DNAH1: variants seen among roughly 807,000 people sequenced by gnomAD.
The protein encoded by DNAH1 is axonemal beta dynein heavy chain 1.
Under a neutral mutation model 484.3 loss-of-function variants are expected in DNAH1, and 327 were observed. The ratio of observed to expected loss-of-function variants is 0.68; its 90% confidence interval spans 0.62 to 0.74. The LOEUF (loss-of-function observed/expected upper bound fraction) is 0.74, where lower values mean the gene tolerates loss of function less well. DNAH1 is among the 30% of genes least tolerant of loss of function. The pLI is 0.00. For missense variants in DNAH1, 5,052 were observed against 5,546.8 expected (o/e 0.91, Z 2.83); for synonymous variants, 2,192 against 2,191.9 (o/e 1.00, Z 0.00).
chr3:52,372,975 A>G lies in DNAH1; in HGVS notation c.6907A>G (p.Thr2303Ala), dbSNP rs1703412756. 6.2e-7 allele frequency: 1 copy of G among 1,613,548 alleles called. No homozygotes were observed. Among genetic ancestry groups the G allele is most frequent in the African/African-American group, 1.3e-5 (1 of 74,864 alleles). Reference sequence around the variant, plus strand: ...TGACCTGAACATGCCGGCCCTGGAGACCTACGGTGCACAGCCACCCATCGA... The same window carrying G: ...TGACCTGAACATGCCGGCCCTGGAGGCCTACGGTGCACAGCCACCCATCGA... ...IDDLNMPALETYGAQPPIELL... is the reference protein window; with the variant it reads ...IDDLNMPALEAYGAQPPIELL... Residue 2303 changes from threonine (T) to alanine (A), a missense_variant, in exon 44 of 78, where the codon ACC becomes GCC. This residue lies in a region of DNAH1 where 2,929 missense variants were observed against 3,409.4 expected (regional missense o/e 0.86). Coordinates refer to ENST00000420323, the MANE Select transcript of DNAH1 (RefSeq NM_015512.5).
rs766093116 is a variant in DNAH1 at position 52,372,086 on chromosome 3, C to G, written c.6666C>G (p.Pro2222=). ...ACATGCTGCTCACCAACAAGAAGCC[C>G]GTGAGCACCCCCCCAGGCCCTGCCT... ...LLDMLLTNKK[P]VLCIGPTGTG... The change falls in exon 42 of 78, where the codon CCC becomes CCG. Residue 2222 remains proline, a splice_region_variant and synonymous_variant. Coordinates refer to ENST00000420323, the MANE Select transcript of DNAH1 (RefSeq NM_015512.5). 8.1e-6 allele frequency: 13 copies of G among 1,613,250 alleles called. No homozygotes were observed. Among genetic ancestry groups the G allele is most frequent in the African/African-American group, 1.3e-5 (1 of 74,916 alleles).
chr3:52,334,887 C>T (rs1257150855), intron 8 of DNAH1, among the ~76,000 whole-genome samples: 56 of 150,178 alleles, frequency 3.7e-4, no homozygotes, highest in African/African-American at 1.2e-3. Context: ...CTCGCTCTGT[C>T]GCCCACGCTG....
chr3:52,395,296 CT>C lies in DNAH1; in HGVS notation c.10969-11del, dbSNP rs1434060977. ...CCCCAGGTGGTCTCAGCATCTCCCC[CT>C]GCCCTTGCAGACAGCCAATCTGTCA... On this transcript the variant is annotated splice_polypyrimidine_tract_variant and intron_variant, in intron 68 of 77. Transcript: ENST00000420323. This position sits in a 1 kb window ranked among gnomAD's most constrained non-coding sequence, Gnocchi z 4.4. 6.2e-7 allele frequency: 1 copy of C among 1,612,312 alleles called. No homozygotes were observed. The highest frequency in any genetic ancestry group is 1.7e-5 in the Admixed American group (1 of 59,840).
Position 52,326,834 on chromosome 3 carries a change from C to T in DNAH1, c.681C>T (p.His227=). Reference sequence around the variant, plus strand: ...TGCCCAGGCACCTGGACCACCAGCACCCCCAAACCATCGAACAGGGCCATG... The same window carrying T: ...TGCCCAGGCACCTGGACCACCAGCATCCCCAAACCATCGAACAGGGCCATG... ...KLMPRHLDHQ[H]PQTIEQGHDP... The change falls in exon 5 of 78, where the codon CAC becomes CAT. Residue 227 remains histidine, a synonymous_variant. Coordinates refer to ENST00000420323, the MANE Select transcript of DNAH1 (RefSeq NM_015512.5). The T allele has an allele frequency of 6.2e-7, 1 of 1,613,666 alleles. No individual in the cohort carries two copies. The highest frequency in any genetic ancestry group is 8.5e-7 in the Non-Finnish European group (1 of 1,179,736).
Position 52,354,963 on chromosome 3 carries a change from A to G in DNAH1, c.3601A>G (p.Ile1201Val), listed in dbSNP as rs1357312651. 2 of 1,614,020 alleles carry G rather than the reference A, an allele frequency of 1.2e-6. No homozygotes were observed. The highest frequency in any genetic ancestry group is 8.5e-7 in the Non-Finnish European group (1 of 1,179,886). ...GGCCTCACAGCTGCTGGACGACCACATCGTCATGACCCAGAATATGTCATT... is the reference window on the plus strand; with the variant it reads ...GGCCTCACAGCTGCTGGACGACCACGTCGTCATGACCCAGAATATGTCATT... ...DEASQLLDDH[I>V]VMTQNMSFSP... Residue 1201 changes from isoleucine (I) to valine (V), a missense_variant, in exon 21 of 78, where the codon ATC (isoleucine) becomes GTC (valine). Ile to Val is a conservative substitution (Grantham distance 29, BLOSUM62 3). Coordinates refer to ENST00000420323, the MANE Select transcript of DNAH1 (RefSeq NM_015512.5).
chr3:52,363,289 G>T, intron 32 of DNAH1, 145 bp downstream of exon 32: 1 of 1,103,378 alleles, frequency 9.1e-7, no homozygotes, highest in Non-Finnish European at 1.3e-6. Flanking sequence ...CTTGGAGATA[G>T]GAGTTACATG....
chr3:52,326,847 G>A lies in DNAH1; in HGVS notation c.694G>A (p.Glu232Lys), dbSNP rs1701363470. 1.2e-6 allele frequency: 2 copies of A among 1,613,336 alleles called. No homozygotes were observed. The highest frequency in any genetic ancestry group is 1.7e-4 in the Middle Eastern group (1 of 6,056). Residue 232 changes from glutamate (E) to lysine (K), a missense_variant, in exon 5 of 78, where the codon GAA becomes AAA. Coordinates refer to ENST00000420323, the MANE Select transcript of DNAH1 (RefSeq NM_015512.5). ...GGACCACCAGCACCCCCAAACCATC[G>A]AACAGGGCCATGACCCAATCTTCCC... ...HLDHQHPQTI[E>K]QGHDPIFPIY...
In DNAH1 at chr3:52,345,506, G is replaced by A; in HGVS notation, c.1456G>A (p.Val486Ile). Residue 486 changes from valine to isoleucine, a missense_variant, in exon 10 of 78, where the codon GTC (valine) becomes ATC (isoleucine). Val to Ile is a conservative substitution (Grantham distance 29, BLOSUM62 3). Around this residue, in one of 4 missense-constraint regions of DNAH1, gnomAD observed 1,263 missense variants for 1,218.8 expected, o/e 1.04. Transcript: ENST00000420323. ...CCCTATCCCTGCAGGGCTGGTGAGTGTCCCCAAGTACCACTTCTGGGAGCA... is the reference window on the plus strand; with the variant it reads ...CCCTATCCCTGCAGGGCTGGTGAGTATCCCCAAGTACCACTTCTGGGAGCA... ...EQVPERGLVS[V>I]PKYHFWEQKE... The A allele has an allele frequency of 6.4e-7, 1 of 1,565,268 alleles. No individual in the cohort carries two copies. Among genetic ancestry groups the A allele is most frequent in the South Asian group, 1.2e-5 (1 of 85,252 alleles).
chr3:52,372,979 A>G lies in DNAH1; in HGVS notation c.6911A>G (p.Tyr2304Cys). The G allele has an allele frequency of 1.2e-6, 2 of 1,613,778 alleles. No individual in the cohort carries two copies. Among genetic ancestry groups the G allele is most frequent in the Non-Finnish European group, 1.7e-6 (2 of 1,179,852 alleles). ...DDLNMPALET[Y>C]GAQPPIELLR... ...CTGAACATGCCGGCCCTGGAGACCT[A>G]CGGTGCACAGCCACCCATCGAGCTG... The change falls in exon 44 of 78, where the codon TAC becomes TGC. Residue 2304 changes from tyrosine (Y) to cysteine (C), a missense_variant. Coordinates refer to ENST00000420323, the MANE Select transcript of DNAH1 (RefSeq NM_015512.5).
At chr3:52,378,074 A>G (rs1472629867) in intron 46 of DNAH1, among the ~76,000 whole-genome samples, 1 of 151,974 alleles carries the variant, frequency 6.6e-6, no homozygotes, top group African/African-American at 2.4e-5. Flanking sequence ...CCCAGCACAG[A>G]ATTGGATAGT....
rs896579808 is a variant in DNAH1, at chr3:52,374,415, G to A, written c.6986-825G>A. 5.0e-5 allele frequency: 65 copies of A among 1,312,456 alleles called. No homozygotes were observed. In the East Asian group the frequency reaches 1.5e-3, roughly 30 times the overall value. The allele number at this position is 1,312,456 out of a possible 1,614,324, so 81.3% of individuals were successfully genotyped here. ...GGACAGCACCCCCACAGAACCAGTG[G>A]TGATGACACTTCTCAAATGCTGGCC... On this transcript the variant is annotated intron_variant, in intron 44 of 77. Transcript: ENST00000420323.
At chr3:52,346,145 G>T (rs1465608902) in intron 10 of DNAH1, among the ~76,000 whole-genome samples, 1 of 152,082 alleles carries the variant, frequency 6.6e-6, no homozygotes, top group Non-Finnish European at 1.5e-5. Flanking sequence ...GCCCATTTTT[G>T]TCTTGTTCTC....
Position 52,395,575 on chromosome 3 carries a change from G to C in DNAH1, c.11156G>C (p.Ser3719Thr). 2 of 1,613,800 alleles carry C rather than the reference G, an allele frequency of 1.2e-6. No homozygotes were observed. The highest frequency in any genetic ancestry group is 8.5e-7 in the Non-Finnish European group (1 of 1,179,902). Residue 3719 changes from serine (S) to threonine (T), a missense_variant, in exon 70 of 78, where the codon AGC becomes ACC. Around this residue, in one of 4 missense-constraint regions of DNAH1, gnomAD observed 853 missense variants for 899.0 expected, o/e 0.95. Coordinates refer to ENST00000420323, the MANE Select transcript of DNAH1 (RefSeq NM_015512.5). The surrounding 1 kb of genome is among the most constrained non-coding windows in gnomAD (Gnocchi z 4.4). The stretch of plus-strand genomic sequence containing the variant: ...CCTCGGGCAGAAGCCATGATGCGCA[G>C]CTCCATAGAGAGGGGCAAATGGGTC... The part of the protein sequence containing the change: ...QGPRAEAMMR[S>T]SIERGKWVFF...
At position 52,391,555 on chromosome 3, in the gene DNAH1, C is replaced by T. The variant is rs1704386966; in HGVS notation, c.10004C>T (p.Pro3335Leu). 6.2e-7 allele frequency: 1 copy of T among 1,609,602 alleles called. No homozygotes were observed. Among genetic ancestry groups the T allele is most frequent in the Non-Finnish European group, 8.5e-7 (1 of 1,178,566 alleles). ...TTKLPNPHYTPEISTKLTLIN... is the reference protein window; with the variant it reads ...TTKLPNPHYTLEISTKLTLIN... ...AAGCTGCCCAACCCACACTACACGC[C>T]CGAGATCTCCACCAAACTCACCCTC... The change falls in exon 63 of 78, where the codon CCC becomes CTC. Residue 3335 changes from proline to leucine, a missense_variant. By Grantham distance (98) the Pro-to-Leu change is moderately conservative. This residue lies in a region of DNAH1 where 2,929 missense variants were observed against 3,409.4 expected (regional missense o/e 0.86). Coordinates refer to ENST00000420323, the MANE Select transcript of DNAH1 (RefSeq NM_015512.5).
In DNAH1 at chr3:52,350,512, G is replaced by C; in HGVS notation, c.2651G>C (p.Arg884Pro). The change falls in exon 16 of 78, where the codon CGG becomes CCG. Residue 884 changes from arginine (R) to proline (P), a missense_variant. By Grantham distance (103) the Arg-to-Pro change is moderately radical. This residue lies in a region of DNAH1 where 1,263 missense variants were observed against 1,218.8 expected (regional missense o/e 1.04). Coordinates refer to ENST00000420323, the MANE Select transcript of DNAH1 (RefSeq NM_015512.5). ...CATTACCACCTGTCTGTGCAGGAGC[G>C]GATTGTGAAGGTCATGGATGACTAC... ...IPERLVGLEE[R>P]IVKVMDDYQV... The C allele has an allele frequency of 6.2e-7, 1 of 1,613,860 alleles. No individual in the cohort carries two copies. The highest frequency in any genetic ancestry group is 8.5e-7 in the Non-Finnish European group (1 of 1,179,810).
intron 46 of DNAH1, 78 bp downstream of exon 46, chr3:52,376,071 C>T (rs372472597): frequency 9.1e-6 from 14 of 1,544,796 alleles, no homozygotes; most frequent in African/African-American, 2.8e-5. Flanking sequence ...GTTGAGGCTG[C>T]GACCAGGCGC....
chr3:52,331,879 C>A (rs926928102), intron 7 of DNAH1, among the ~76,000 whole-genome samples: 1 of 152,130 alleles, frequency 6.6e-6, no homozygotes, highest in African/African-American at 2.4e-5. Flanking sequence ...CCCTCCTTGG[C>A]CTCCCAAAGT....
intron 17 of DNAH1, 92 bp from the exon 18 acceptor site, chr3:52,352,460 C>G (rs569435980): frequency 6.6e-7 from 1 of 1,516,960 alleles, no homozygotes; most frequent in African/African-American, 1.4e-5. Context: ...GAGTGGACGT[C>G]CTGGGACCTC....
At position 52,354,836 on chromosome 3, in the gene DNAH1, AC is replaced by A. The variant is rs750450724; in HGVS notation, c.3481-3del. On this transcript the variant is annotated splice_region_variant and splice_polypyrimidine_tract_variant and intron_variant, in intron 20 of 77. Transcript: ENST00000420323. ...CAGGACTCAGCCTGGCTTGTCCCCG[AC>A]CCCAGGCACTGGACAAGATGGAGAA... 5 of 1,612,854 alleles carry A rather than the reference AC, an allele frequency of 3.1e-6. No individual in the cohort carries two copies. Among genetic ancestry groups the A allele is most frequent in the Middle Eastern group, 1.8e-4 (1 of 5,654 alleles).
Sources: gnomAD v4.1 joint callset for allele counts (sites outside exome capture counted in the v4.1 genomes callset) on GRCh38, gnomAD v4.1.1 for gene constraint, gnomAD v4.1.1 regional missense constraint, Gnocchi (gnomAD v3.1) non-coding constraint, MANE v1.5 for transcripts, NCBI Gene and HGNC (gene_info 2026-07-23, HGNC 2026-07-21) for gene names.